NTM: variants seen among roughly 807,000 people sequenced by gnomAD.
NTM encodes the protein IgLON family member 2.
In NTM, 13 loss-of-function variants were observed where a neutral mutation model predicts 42.1. The observed-to-expected ratio is 0.31, with a 90% CI of 0.20 to 0.49. The LOEUF is 0.49. Ranked by LOEUF, NTM falls within the 20% of genes least tolerant of loss-of-function variation. The pLI is 0.99. For synonymous variants in NTM, 187 were observed against 179.2 expected (o/e 1.04, Z -0.35); for missense variants, 373 against 452.8 (o/e 0.82, Z 1.60).
intron 1 of NTM, among the ~76,000 whole-genome samples, chr11:131,638,440 C>T (rs543486989): frequency 2.6e-5 from 4 of 151,760 alleles, no homozygotes; most frequent in Non-Finnish European, 5.9e-5. Flanking sequence ...ATGGCGGGTG[C>T]CTGTAATCCC....
chr11:131,952,397 G>A (rs2061104999), intron 2 of NTM, among the ~76,000 whole-genome samples: 1 of 152,106 alleles, frequency 6.6e-6, no homozygotes, highest in African/African-American at 2.4e-5. Flanking sequence ...GTTTGTGTGT[G>A]CACACATATA....
chr11:131,676,679 T>C (rs1021093437), intron 1 of NTM, among the ~76,000 whole-genome samples: 1 of 152,210 alleles, frequency 6.6e-6, no homozygotes, highest in Admixed American at 6.5e-5. Context: ...GCTCAAGAAG[T>C]CTGCCTGGTG....
intron 1 of NTM, among the ~76,000 whole-genome samples, chr11:131,567,644 T>TA (rs1047554517): frequency 2.6e-5 from 4 of 152,166 alleles, no homozygotes; most frequent in Non-Finnish European, 5.9e-5. Flanking sequence ...CCACAAACAT[T>TA]AAAAAATCTT....
intron 1 of NTM, among the ~76,000 whole-genome samples, chr11:131,497,380 G>T (rs571888900): frequency 1.3e-5 from 1 of 78,820 alleles, no homozygotes; most frequent in Non-Finnish European, 2.7e-5. Flanking sequence ...GTAGAGACGG[G>T]GTTTCACCAT....
At chr11:131,989,723 A>ACG (rs1720512580) in intron 2 of NTM, among the ~76,000 whole-genome samples, 1 of 151,280 alleles carries the variant, frequency 6.6e-6, no homozygotes, top group African/African-American at 2.4e-5. Context: ...ACATGCACAC[A>ACG]CACACACACA....
At chr11:131,762,246 A>G (rs2084332146) in intron 1 of NTM, among the ~76,000 whole-genome samples, 1 of 152,218 alleles carries the variant, frequency 6.6e-6, no homozygotes. Context: ...CTCAATAGAA[A>G]AATAGTACAA....
At chr11:132,134,747 A>ATATATATATATATC (rs2067518837) in intron 2 of NTM, among the ~76,000 whole-genome samples, 4 of 89,678 alleles carry the variant, frequency 4.5e-5, no homozygotes, top group African/African-American at 2.2e-4. Context: ...ATATATATAT[A>ATATATATATATATC]TATATATATA....
At chr11:132,293,610 A>G (rs12293070) in intron 4 of NTM, among the ~76,000 whole-genome samples, 14,470 of 152,216 alleles carry the variant, frequency 0.095, 688 homozygotes, top group Middle Eastern at 0.16. Context: ...AGGAGAGGTC[A>G]GCAAACTACA....
intron 1 of NTM, among the ~76,000 whole-genome samples, chr11:131,746,450 G>A (rs1053464306): frequency 3.3e-5 from 5 of 152,162 alleles, no homozygotes; most frequent in Non-Finnish European, 7.3e-5. Flanking sequence ...GAGGAAAGCA[G>A]GAAGCGGCAA....
chr11:131,593,369 G>C (rs933671110), intron 1 of NTM, among the ~76,000 whole-genome samples: 1 of 152,176 alleles, frequency 6.6e-6, no homozygotes, highest in Non-Finnish European at 1.5e-5. Context: ...CTCAGCAGGT[G>C]GGGTACGAGC....
intron 2 of NTM, among the ~76,000 whole-genome samples, chr11:131,994,961 T>G (rs2067717815): frequency 6.6e-6 from 1 of 152,216 alleles, no homozygotes; most frequent in African/African-American, 2.4e-5. Context: ...GCAGTTTATT[T>G]GTAATGTCTT....
At chr11:131,727,081 TG>T (rs1238358425) in intron 1 of NTM, among the ~76,000 whole-genome samples, 1 of 151,332 alleles carries the variant, frequency 6.6e-6, no homozygotes, top group African/African-American at 2.5e-5. Flanking sequence ...AGCTCCTCTC[TG>T]TTGCCTCCTA....
At chr11:131,492,860 T>C (rs954165360) in intron 1 of NTM, among the ~76,000 whole-genome samples, 2 of 152,170 alleles carry the variant, frequency 1.3e-5, no homozygotes, top group African/African-American at 4.8e-5. Context: ...AGTGTAGTCT[T>C]AAGCTGCAAA....
At chr11:132,200,655 G>A (rs1265885561) in intron 3 of NTM, among the ~76,000 whole-genome samples, 2 of 152,216 alleles carry the variant, frequency 1.3e-5, no homozygotes, top group East Asian at 1.9e-4. Flanking sequence ...ATGTAAGTGA[G>A]CTTGGCGCTG....
intron 1 of NTM, among the ~76,000 whole-genome samples, chr11:131,900,790 A>G (rs1055313000): frequency 2.6e-5 from 4 of 152,204 alleles, no homozygotes; most frequent in Non-Finnish European, 5.9e-5. Context: ...CTACAGTGAT[A>G]ACTACTATAA....
At chr11:131,932,350 T>C (rs1317108562) in intron 2 of NTM, among the ~76,000 whole-genome samples, 2 of 152,178 alleles carry the variant, frequency 1.3e-5, no homozygotes, top group Non-Finnish European at 2.9e-5. Context: ...CTTATCGGTA[T>C]AGTTTAAATT....
chr11:132,318,109 A>G (rs1205048387), intron 7 of NTM, among the ~76,000 whole-genome samples: 1 of 152,186 alleles, frequency 6.6e-6, no homozygotes, highest in Non-Finnish European at 1.5e-5. Flanking sequence ...TGTCAAACGC[A>G]TCAACTGGCT....
intron 1 of NTM, among the ~76,000 whole-genome samples, chr11:131,765,610 C>T (rs373994892): frequency 1.2e-4 from 18 of 152,186 alleles, no homozygotes; most frequent in African/African-American, 3.9e-4. Flanking sequence ...ACCATGTATA[C>T]AGCCATCTTC....
At chr11:131,688,324 G>A (rs376112997) in intron 1 of NTM, among the ~76,000 whole-genome samples, 3 of 152,340 alleles carry the variant, frequency 2.0e-5, no homozygotes, top group South Asian at 4.1e-4. Context: ...TCTGAAAGCG[G>A]GTTTCAAAGC....
Sources: gnomAD v4.1 joint callset for allele counts (sites outside exome capture counted in the v4.1 genomes callset) on GRCh38, gnomAD v4.1.1 for gene constraint, MANE v1.5 for transcripts, NCBI Gene and HGNC (gene_info 2026-07-23, HGNC 2026-07-21) for gene names.